The following PUM3 variants were observed in gnomAD, a reference collection of about 807,000 sequenced individuals.
The protein encoded by PUM3 is pumilio RNA binding family member 3.
In PUM3, 91 loss-of-function variants were observed where a neutral mutation model predicts 84.0. That is an observed-to-expected ratio of 1.08 (90% CI 0.91 to 1.29). The LOEUF (loss-of-function observed/expected upper bound fraction) is 1.29. Ranked by LOEUF, PUM3 falls within the 50% of genes most tolerant of loss-of-function variation. PUM3 has a pLI of 0.00. For synonymous variants in PUM3, 321 were observed against 266.7 expected, an observed-to-expected ratio of 1.20 and a Z score of -1.98; for missense variants, 1,067 against 767.5, an observed-to-expected ratio of 1.39 and a Z score of -4.61.
intron 13 of PUM3, among the ~76,000 whole-genome samples, chr9:2,819,183 C>T (rs1041071782): frequency 3.1e-4 from 47 of 152,178 alleles, no homozygotes; most frequent in African/African-American, 1.1e-3. Context: ...GCAACCTCTA[C>T]CATATACTCA....
chr9:2,831,917 G>T (rs986869150), intron 5 of PUM3, among the ~76,000 whole-genome samples: 3 of 152,076 alleles, frequency 2.0e-5, no homozygotes, highest in African/African-American at 7.2e-5. Context: ...TATATTTCTA[G>T]AAGAGTTGTT....
rs1816201317 is a variant in PUM3 at position 2,838,934 on chromosome 9, AAAC to A, written c.-10-420_-10-418del. 3.3e-5 allele frequency among the ~76,000 whole-genome samples: 5 copies of A among 152,318 alleles called. No individual in the cohort carries two copies. The South Asian group carries it at 1.0e-3, about 32-fold the overall frequency. ...TCTTGGAGCCTAAAAAGCCAGGAAC[AAAC>A]AATAGGCTGCATGTACCACTACATG... On this transcript the variant is annotated intron_variant, in intron 1 of 17. Transcript: ENST00000397885.
intron 13 of PUM3, among the ~76,000 whole-genome samples, chr9:2,815,786 G>A (rs1210808143): frequency 6.6e-6 from 1 of 152,130 alleles, no homozygotes; most frequent in Non-Finnish European, 1.5e-5. Context: ...TAATTCAAAA[G>A]GTTTTGGCTT....
chr9:2,818,889 AG>A (rs1821528084), intron 13 of PUM3, among the ~76,000 whole-genome samples: 1 of 152,216 alleles, frequency 6.6e-6, no homozygotes, highest in African/African-American at 2.4e-5. Context: ...TACTACACTC[AG>A]CTCTACTGAT....
chr9:2,824,673 C>CTTTA, intron 11 of PUM3, 44 bp downstream of exon 11: 1 of 1,269,488 alleles, frequency 7.9e-7, no homozygotes, highest in Admixed American at 2.4e-5. Context: ...TAAAGCATGG[C>CTTTA]CCTGACTTGT....
intron 16 of PUM3, among the ~76,000 whole-genome samples, chr9:2,809,414 C>A (rs566643507): frequency 2.0e-5 from 3 of 152,206 alleles, no homozygotes; most frequent in African/African-American, 7.2e-5. Context: ...AAAGATTATT[C>A]CATATGTTAT....
chr9:2,805,663 C>A (rs988458245), intron 17 of PUM3, among the ~76,000 whole-genome samples: 2 of 152,136 alleles, frequency 1.3e-5, no homozygotes, highest in African/African-American at 4.8e-5. Flanking sequence ...GCTAAACACA[C>A]AGTTATACAA....
chr9:2,804,458 A>G lies in PUM3; in HGVS notation c.1820T>C (p.Leu607Pro). Residue 607 changes from leucine (L) to proline (P), a missense_variant, in exon 18 of 18, where the codon CTC becomes CCC. Physicochemically the swap from Leu to Pro is moderately conservative, Grantham distance 98. Coordinates refer to ENST00000397885, the MANE Select transcript of PUM3 (RefSeq NM_014878.5). ...NRGAIILSSLLQSCDLEVANK... is the reference protein window; with the variant it reads ...NRGAIILSSLPQSCDLEVANK... ...TGCAACTTCCAGGTCACAACTCTGG[A>G]GGAGGCTGAAGAGAGGAAAAAAATT... The G allele has an allele frequency of 6.2e-7, 1 of 1,610,584 alleles. No homozygotes were observed. The highest frequency in any genetic ancestry group is 8.5e-7 in the Non-Finnish European group (1 of 1,178,900).
At chr9:2,833,566 A>T in intron 4 of PUM3, 134 bp from the exon 5 acceptor site, 2 of 505,630 alleles carry the variant, frequency 4.0e-6, no homozygotes, top group Non-Finnish European at 6.8e-6. Flanking sequence ...AACCTCTGCC[A>T]TTAAAATTAC....
chr9:2,833,773 A>C (rs1816048303), intron 4 of PUM3, among the ~76,000 whole-genome samples: 1 of 152,214 alleles, frequency 6.6e-6, no homozygotes, highest in East Asian at 1.9e-4. Flanking sequence ...TTTTCTCAGA[A>C]ATCTCTCAGG....
chr9:2,812,980 A>G (rs1441612330), intron 13 of PUM3, among the ~76,000 whole-genome samples: 1 of 152,146 alleles, frequency 6.6e-6, no homozygotes, highest in African/African-American at 2.4e-5. Context: ...AGATAAAGAA[A>G]CTCTGTTAAA....
chr9:2,805,549 T>C (rs1177158562), intron 17 of PUM3, among the ~76,000 whole-genome samples: 1 of 152,168 alleles, frequency 6.6e-6, no homozygotes, highest in Non-Finnish European at 1.5e-5. Context: ...CTACTGCTTA[T>C]GGGAGATAAG....
chr9:2,832,532 C>G (rs1047779523), intron 5 of PUM3, among the ~76,000 whole-genome samples: 1 of 152,132 alleles, frequency 6.6e-6, no homozygotes, highest in African/African-American at 2.4e-5. Context: ...ATATTTTAAG[C>G]AGCCCAGCCA....
chr9:2,820,090 G>T lies in PUM3; in HGVS notation c.1197C>A (p.Tyr399Ter). ...TYVEKVANGQ[Y>*]SHLVLLAAFD... Reference sequence around the variant, plus strand: ...ATGCCGCCAGTAAAACCAAATGGGAGTATTGGCCCTGCAAGAATTGGAAGC... The same window carrying T: ...ATGCCGCCAGTAAAACCAAATGGGATTATTGGCCCTGCAAGAATTGGAAGC... Residue 399 changes from tyrosine (Y) to a stop codon, truncating the protein, a stop_gained, in exon 13 of 18, where the codon TAC becomes TAA. Coordinates refer to ENST00000397885, the MANE Select transcript of PUM3 (RefSeq NM_014878.5). LOFTEE classifies it high-confidence loss of function. 2 of 1,605,354 alleles carry T rather than the reference G, an allele frequency of 1.2e-6. No individual in the cohort carries two copies. The highest frequency in any genetic ancestry group is 1.7e-6 in the Non-Finnish European group (2 of 1,173,892).
Position 2,811,389 on chromosome 9 carries a change from C to T in PUM3, c.1607G>A (p.Gly536Glu). 1 of 1,614,102 alleles carries T rather than the reference C, an allele frequency of 6.2e-7. No individual in the cohort carries two copies. Among genetic ancestry groups the T allele is most frequent in the East Asian group, 2.2e-5 (1 of 44,862 alleles). Reference sequence around the variant, plus strand: ...TCCGTCCTTGCCACCAGGATGCAGTCCTGTTGCTGCCAAGCTGGCGATGGC... The same window carrying T: ...TCCGTCCTTGCCACCAGGATGCAGTTCTGTTGCTGCCAAGCTGGCGATGGC... ...MNAIASLAAT[G>E]LHPGGKDGEL... The change falls in exon 15 of 18, where the codon GGA becomes GAA. Residue 536 changes from glycine to glutamate, a missense_variant. Transcript: ENST00000397885.
intron 17 of PUM3, among the ~76,000 whole-genome samples, chr9:2,806,455 A>AT (rs1821259781): frequency 6.6e-6 from 1 of 152,100 alleles, no homozygotes; most frequent in South Asian, 2.1e-4. Flanking sequence ...TTAAAATAAC[A>AT]TTTACAAACA....
rs754229006 is a variant in PUM3, at chr9:2,811,591, G to C, written c.1413-8C>G. 6.2e-7 allele frequency: 1 copy of C among 1,606,366 alleles called. No homozygotes were observed. Among genetic ancestry groups the C allele is most frequent in the African/African-American group, 1.3e-5 (1 of 74,866 alleles). Reference sequence around the variant, plus strand: ...ACCTCTGTATCTTTCTTACTGTTGAGTATGTTGAACGGGGTATTAAGGTAA... The same window carrying C: ...ACCTCTGTATCTTTCTTACTGTTGACTATGTTGAACGGGGTATTAAGGTAA... On this transcript the variant is annotated splice_region_variant and splice_polypyrimidine_tract_variant and intron_variant, in intron 14 of 17. Coordinates refer to ENST00000397885, the MANE Select transcript of PUM3 (RefSeq NM_014878.5).
intron 16 of PUM3, among the ~76,000 whole-genome samples, chr9:2,809,484 G>A (rs1394095439): frequency 6.6e-6 from 1 of 152,000 alleles, no homozygotes; most frequent in Non-Finnish European, 1.5e-5. Context: ...GTGAAAAATA[G>A]CCCCAGGTCC....
rs988952336 is a variant in PUM3 at position 2,810,200 on chromosome 9, G to C, written c.1723+144C>G. The C allele has an allele frequency of 4.8e-6, 3 of 627,948 alleles. No individual in the cohort carries two copies. In the African/African-American group the frequency reaches 5.7e-5, roughly 12 times the overall value. The allele number at this position is 627,948 out of a possible 1,614,324, so 38.9% of individuals were successfully genotyped here. A position where few individuals can be genotyped will look rare whatever the true frequency, so the allele number is the denominator to read the frequency against. ...GGAAAAAGCATTACCAGCAACCACT[G>C]AATCATTTCTTATTCACAGACACCA... On this transcript the variant is annotated intron_variant, in intron 16 of 17. Coordinates refer to ENST00000397885, the MANE Select transcript of PUM3 (RefSeq NM_014878.5).
Sources: gnomAD v4.1 joint callset for allele counts (sites outside exome capture counted in the v4.1 genomes callset) on GRCh38, gnomAD v4.1.1 for gene constraint, MANE v1.5 for transcripts, NCBI Gene and HGNC (gene_info 2026-07-23, HGNC 2026-07-21) for gene names.